OPA1: variants seen among roughly 807,000 people sequenced by gnomAD.
OPA1 encodes dynamin-like GTPase OPA1, mitochondrial.
A neutral mutation model predicts 152.9 loss-of-function variants in OPA1; 59 were observed. The observed-to-expected ratio is 0.39, with a 90% CI of 0.31 to 0.48. The LOEUF (loss-of-function observed/expected upper bound fraction) is 0.48, where lower values mean the gene tolerates loss of function less well. Ranked by LOEUF, OPA1 falls within the 20% of genes least tolerant of loss-of-function variation. The pLI is 0.96. For synonymous variants in OPA1, 400 were observed against 389.9 expected (o/e 1.03, Z -0.31); for missense variants, 1,008 against 1,216.8 (o/e 0.83, Z 2.55).
intron 6 of OPA1, among the ~76,000 whole-genome samples, chr3:193,620,167 G>A (rs1441331914): frequency 6.6e-6 from 1 of 152,204 alleles, no homozygotes; most frequent in Non-Finnish European, 1.5e-5. Flanking sequence ...GTGGAGAGAA[G>A]AGCTAATCTA....
In OPA1 at chr3:193,614,609, T is replaced by C; in HGVS notation, c.33-114T>C. On this transcript the variant is annotated intron_variant, in intron 1 of 30. Coordinates refer to ENST00000361510, the MANE Select transcript of OPA1 (RefSeq NM_130837.3). The stretch of plus-strand genomic sequence containing the variant: ...AGTAAATGTGAACTATTGTGTGACA[T>C]TGTGGTTAGTCACGTATGGGGCTGT... The C allele has an allele frequency of 3.8e-6, 3 of 795,666 alleles. No individual in the cohort carries two copies. The East Asian group carries it at 7.3e-5, about 19-fold the overall frequency. 49.3% of individuals were successfully genotyped at this position (795,666 alleles called of 1,614,324 possible). A position where few individuals can be genotyped will look rare whatever the true frequency, so the allele number is the denominator to read the frequency against.
chr3:193,667,180 A>G lies in OPA1; in HGVS notation c.2883A>G (p.Leu961=), dbSNP rs1392150519. 1.9e-6 allele frequency: 3 copies of G among 1,547,134 alleles called. No homozygotes were observed. The highest frequency in any genetic ancestry group is 2.7e-6 in the Non-Finnish European group (3 of 1,118,920). Residue 961 remains leucine (L), a synonymous_variant, in exon 29 of 31, where the codon TTA becomes TTG. Transcript: ENST00000361510. ...ACTTTCTTTAAACAGTTAGGCGATT[A>G]GAGAAAAATGTTAAAGAGGTATTGG... ...QQLTNTEVRR[L]EKNVKEVLED...
intron 29 of OPA1, among the ~76,000 whole-genome samples, chr3:193,686,499 T>G (rs1364534892): frequency 6.6e-6 from 1 of 152,222 alleles, no homozygotes; most frequent in Non-Finnish European, 1.5e-5. Flanking sequence ...ATCTATCTGT[T>G]TGGTTCAACC....
intron 1 of OPA1, 111 bp downstream of exon 1, chr3:193,593,520 C>A: frequency 9.1e-7 from 1 of 1,098,818 alleles, no homozygotes; most frequent in Non-Finnish European, 1.2e-6. Flanking sequence ...AGGCCGACGG[C>A]AGTTGGAGAA....
chr3:193,601,486 G>A (rs1284600641), intron 1 of OPA1, among the ~76,000 whole-genome samples: 1 of 152,194 alleles, frequency 6.6e-6, no homozygotes, highest in Non-Finnish European at 1.5e-5. Context: ...GGGCCACCTA[G>A]TTGTATTTGA....
intron 1 of OPA1, among the ~76,000 whole-genome samples, chr3:193,599,351 C>T (rs547393376): frequency 2.6e-5 from 4 of 151,830 alleles, no homozygotes; most frequent in African/African-American, 9.7e-5. Flanking sequence ...CCTTGGGTCT[C>T]TTGCCCTTTC....
intron 1 of OPA1, among the ~76,000 whole-genome samples, chr3:193,601,573 T>C (rs1688487181): frequency 6.6e-6 from 1 of 152,214 alleles, no homozygotes; most frequent in Admixed American, 6.5e-5. Flanking sequence ...TACTTTTCTA[T>C]GGCCCCTTTG....
At chr3:193,610,831 G>A (rs1728113451) in intron 1 of OPA1, among the ~76,000 whole-genome samples, 1 of 152,258 alleles carries the variant, frequency 6.6e-6, no homozygotes, top group African/African-American at 2.4e-5. Flanking sequence ...AGGACCCGCT[G>A]AGCCAGGCGC....
intron 6 of OPA1, chr3:193,619,705 G>GA (rs1358487368): frequency 6.6e-6 from 1 of 151,902 alleles, no homozygotes; most frequent in Non-Finnish European, 1.5e-5. Flanking sequence ...TAGATTTATA[G>GA]AAAAAATATT....
At chr3:193,678,818 T>C (rs1719628468) in intron 29 of OPA1, among the ~76,000 whole-genome samples, 1 of 152,208 alleles carries the variant, frequency 6.6e-6, no homozygotes, top group Non-Finnish European at 1.5e-5. Context: ...CCTTTCTCTC[T>C]TCAAAGATGC....
chr3:193,681,452 A>G (rs936645578), intron 29 of OPA1, among the ~76,000 whole-genome samples: 1 of 152,220 alleles, frequency 6.6e-6, no homozygotes, highest in African/African-American at 2.4e-5. Context: ...GGTTGAAAGA[A>G]AAGGAAAATC....
chr3:193,665,473 A>G, intron 27 of OPA1, among the ~76,000 whole-genome samples: 1 of 152,090 alleles, frequency 6.6e-6, no homozygotes, highest in East Asian at 1.9e-4. Context: ...TGCTTTTTTC[A>G]GGTGTCATAA....
intron 1 of OPA1, among the ~76,000 whole-genome samples, chr3:193,610,773 T>G (rs1195821090): frequency 6.6e-6 from 1 of 152,218 alleles, no homozygotes; most frequent in Non-Finnish European, 1.5e-5. Flanking sequence ...CACCTTGCAG[T>G]TTGATCTCAG....
intron 30 of OPA1, among the ~76,000 whole-genome samples, chr3:193,694,093 C>T (rs945029130): frequency 2.0e-5 from 3 of 152,202 alleles, no homozygotes; most frequent in South Asian, 2.1e-4. Flanking sequence ...GCTGTTGCTG[C>T]TACCTGTCTA....
rs1171133163 is a variant in OPA1, at chr3:193,696,413, T to C, written c.*1813T>C. ...CTTTGAGGAGATCAGTATTGTAACG[T>C]ATGTGAATAGATGATAACAATTAAT... On this transcript the variant is annotated 3_prime_UTR_variant, in exon 31 of 31. Coordinates refer to ENST00000361510, the MANE Select transcript of OPA1 (RefSeq NM_130837.3). 2 of 152,176 alleles carry C rather than the reference T, an allele frequency of 1.3e-5. No individual in the cohort carries two copies. The highest frequency in any genetic ancestry group is 2.9e-5 in the Non-Finnish European group (2 of 68,026). The allele number at this position is 152,176 out of a possible 1,614,324, so 9.4% of individuals were successfully genotyped here.
In OPA1 at chr3:193,654,888, G is replaced by A; in HGVS notation, c.2039G>A (p.Trp680Ter). Residue 680 changes from tryptophan to a stop codon, truncating the protein, a stop_gained, in exon 22 of 31, where the codon TGG becomes TAG. Transcript: ENST00000361510. LOFTEE classifies it high-confidence loss of function. Reference sequence around the variant, plus strand: ...GAGGAAATCCTTCAACAATCTTTGTGGGAAAGAGTATCAACTCATGTGATT... The same window carrying A: ...GAGGAAATCCTTCAACAATCTTTGTAGGAAAGAGTATCAACTCATGTGATT... ...HWEEILQQSL[W>*]ERVSTHVIEN... 6.2e-7 allele frequency: 1 copy of A among 1,613,794 alleles called. No homozygotes were observed. The highest frequency in any genetic ancestry group is 8.5e-7 in the Non-Finnish European group (1 of 1,179,896).
chr3:193,595,803 T>C (rs1010154326), intron 1 of OPA1, among the ~76,000 whole-genome samples: 1 of 152,206 alleles, frequency 6.6e-6, no homozygotes, highest in Non-Finnish European at 1.5e-5. Context: ...TCCTTTCATT[T>C]TTCCTGTCCT....
intron 26 of OPA1, among the ~76,000 whole-genome samples, chr3:193,663,945 A>G (rs1220322189): frequency 2.0e-5 from 3 of 152,140 alleles, no homozygotes; most frequent in African/African-American, 7.2e-5. Context: ...AATAAGTTAT[A>G]TTCAGTTTGA....
At chr3:193,648,018 A>G (rs1376518376) in intron 19 of OPA1, 52 bp from the exon 20 acceptor site, 3 of 1,299,516 alleles carry the variant, frequency 2.3e-6, no homozygotes, top group African/African-American at 2.9e-5. Flanking sequence ...TTTAACCACT[A>G]CATCTGGAAA....
Sources: gnomAD v4.1 joint callset for allele counts (sites outside exome capture counted in the v4.1 genomes callset) on GRCh38, gnomAD v4.1.1 for gene constraint, MANE v1.5 for transcripts, NCBI Gene and HGNC (gene_info 2026-07-23, HGNC 2026-07-21) for gene names.